PLCXD2: variants seen among roughly 807,000 people sequenced by gnomAD.
PLCXD2 encodes the protein phosphatidylinositol specific phospholipase C X domain containing 2.
In PLCXD2, 21 loss-of-function variants were observed where a neutral mutation model predicts 28.6. The observed-to-expected ratio is 0.73, with a 90% CI of 0.52 to 1.06. The LOEUF (loss-of-function observed/expected upper bound fraction) is 1.06, where lower values mean the gene tolerates loss of function less well. Among genes scored for constraint, PLCXD2 ranks in the 50% least tolerant of loss-of-function variants. The pLI, the probability that PLCXD2 is intolerant of heterozygous loss-of-function variation, is 0.00. For missense variants in PLCXD2, 369 were observed against 376.7 expected, an observed-to-expected ratio of 0.98 and a Z score of 0.17; for synonymous variants, 140 against 150.1, an observed-to-expected ratio of 0.93 and a Z score of 0.49.
intron 1 of PLCXD2, among the ~76,000 whole-genome samples, chr3:111,684,837 A>G (rs947574854): frequency 3.3e-5 from 5 of 152,118 alleles, no homozygotes; most frequent in African/African-American, 9.7e-5. Context: ...AGGTCATCCA[A>G]GTGGGAGGCG....
chr3:111,712,035 A>G (rs1039007970), intron 2 of PLCXD2, among the ~76,000 whole-genome samples: 1 of 152,054 alleles, frequency 6.6e-6, no homozygotes, highest in South Asian at 2.1e-4. Flanking sequence ...AACACAGCAG[A>G]CAGAGGTTGG....
intron 3 of PLCXD2, chr3:111,723,687 T>C (rs982448634): frequency 2.0e-5 from 3 of 152,200 alleles, no homozygotes. Flanking sequence ...TTGTAAAGGA[T>C]GTGTGCCTTC....
rs746307203 is a variant in PLCXD2 at position 111,708,128 on chromosome 3, G to A, written c.366G>A (p.Gly122=). The change falls in exon 2 of 5, where the codon GGG becomes GGA. Residue 122 remains glycine, a synonymous_variant. Coordinates refer to ENST00000477665, the MANE Select transcript of PLCXD2 (RefSeq NM_001185106.1). ...ACCTGCGTGTGTCTTCCAAACCAGG[G>A]GATGCCGACCAGGAGATCTACTTCA... The A allele has an allele frequency of 4.3e-6, 7 of 1,614,148 alleles. No homozygotes were observed. The highest frequency in any genetic ancestry group is 5.9e-6 in the Non-Finnish European group (7 of 1,180,030).
chr3:111,689,136 T>C (rs1296501184), intron 1 of PLCXD2, among the ~76,000 whole-genome samples: 1 of 152,164 alleles, frequency 6.6e-6, no homozygotes, highest in Non-Finnish European at 1.5e-5. Context: ...AGTTGGTGGG[T>C]AAGGAACTGC....
intron 3 of PLCXD2, among the ~76,000 whole-genome samples, chr3:111,716,764 G>A (rs1187868344): frequency 1.3e-5 from 2 of 152,174 alleles, no homozygotes; most frequent in Non-Finnish European, 2.9e-5. Context: ...CCAACTCTCA[G>A]TTACCTCAGA....
chr3:111,714,018 T>A lies in PLCXD2; in HGVS notation c.756T>A (p.Ser252Arg). 1 of 1,614,124 alleles carries A rather than the reference T, an allele frequency of 6.2e-7. No homozygotes were observed. Among genetic ancestry groups the A allele is most frequent in the Non-Finnish European group, 8.5e-7 (1 of 1,180,018 alleles). The change falls in exon 3 of 5, where the codon AGT becomes AGA. Residue 252 changes from serine (S) to arginine (R), a missense_variant. Ser to Arg is a moderately radical substitution (Grantham distance 110). Transcript: ENST00000477665. ...TCCTCTTCTTGGAGACCACTCTGAGTGAGCGGGCCTCACGGGGCTCCTTCC... is the reference window on the plus strand; with the variant it reads ...TCCTCTTCTTGGAGACCACTCTGAGAGAGCGGGCCTCACGGGGCTCCTTCC...
At chr3:111,716,177 A>G (rs1403690861) in intron 3 of PLCXD2, among the ~76,000 whole-genome samples, 3 of 152,186 alleles carry the variant, frequency 2.0e-5, no homozygotes, top group Non-Finnish European at 2.9e-5. Context: ...AGTCCTGCAC[A>G]TCAACTGAAG....
chr3:111,708,994 G>GGAAGAGGAAT (rs138307886), intron 2 of PLCXD2, among the ~76,000 whole-genome samples: 5,650 of 151,458 alleles, frequency 0.037, 345 homozygotes, highest in African/African-American at 0.13. Flanking sequence ...GACACGCTCA[G>GGAAGAGGAAT]GAAGAGGAAT....
chr3:111,708,917 G>A (rs1338620177), intron 2 of PLCXD2, among the ~76,000 whole-genome samples: 1 of 152,148 alleles, frequency 6.6e-6, no homozygotes, highest in Non-Finnish European at 1.5e-5. Flanking sequence ...TGAAGGGGCT[G>A]CAGCCTGTAA....
At chr3:111,685,485 A>G (rs538950796) in intron 1 of PLCXD2, among the ~76,000 whole-genome samples, 44 of 152,328 alleles carry the variant, frequency 2.9e-4, no homozygotes, top group Non-Finnish European at 4.7e-4. Context: ...AATTTATTTC[A>G]TACATGGACA....
At chr3:111,685,282 A>G (rs1176433142) in intron 1 of PLCXD2, among the ~76,000 whole-genome samples, 1 of 152,210 alleles carries the variant, frequency 6.6e-6, no homozygotes, top group African/African-American at 2.4e-5. Flanking sequence ...TACTTCTTTT[A>G]GAAAATTTGT....
intron 1 of PLCXD2, among the ~76,000 whole-genome samples, chr3:111,677,753 A>T (rs1576451294): frequency 1.3e-5 from 2 of 152,188 alleles, no homozygotes; most frequent in East Asian, 3.8e-4. Flanking sequence ...GTAATCTTTA[A>T]CTGAAAGCCA....
At chr3:111,716,369 G>A (rs1039869397) in intron 3 of PLCXD2, among the ~76,000 whole-genome samples, 4 of 152,144 alleles carry the variant, frequency 2.6e-5, no homozygotes, top group Non-Finnish European at 5.9e-5. Context: ...AAAAGACAGG[G>A]TATATTTTCT....
At chr3:111,701,576 G>A (rs1450336164) in intron 1 of PLCXD2, among the ~76,000 whole-genome samples, 1 of 152,136 alleles carries the variant, frequency 6.6e-6, no homozygotes, top group Admixed American at 6.5e-5. Context: ...GGAAGTGGGA[G>A]GAATGTGTCA....
intron 3 of PLCXD2, among the ~76,000 whole-genome samples, chr3:111,719,315 G>T (rs931282704): frequency 6.6e-6 from 1 of 152,098 alleles, no homozygotes; most frequent in Non-Finnish European, 1.5e-5. Context: ...CAAGCTATAG[G>T]CTAGGAGAAA....
At chr3:111,707,829 G>T (rs568665270) in intron 1 of PLCXD2, 97 bp from the exon 2 acceptor site, 521 of 1,131,578 alleles carry the variant, frequency 4.6e-4, no homozygotes, top group Non-Finnish European at 6.2e-4. Flanking sequence ...ATGTTATTTG[G>T]TGCTTAATTT....
At chr3:111,675,819 A>G (rs1484829369) in intron 1 of PLCXD2, among the ~76,000 whole-genome samples, 1 of 152,218 alleles carries the variant, frequency 6.6e-6, no homozygotes, top group Non-Finnish European at 1.5e-5. Flanking sequence ...AAAATATTTT[A>G]TTTCTCATTT....
At chr3:111,716,229 G>T (rs1016340526) in intron 3 of PLCXD2, among the ~76,000 whole-genome samples, 1 of 152,214 alleles carries the variant, frequency 6.6e-6, no homozygotes, top group Admixed American at 6.5e-5. Context: ...CAAAAGGCCA[G>T]TGCAGAGTGT....
intron 3 of PLCXD2, among the ~76,000 whole-genome samples, chr3:111,716,291 GC>G: frequency 6.6e-6 from 1 of 152,168 alleles, no homozygotes. Context: ...TCCCCTGTGT[GC>G]CAACACCCAG....
Sources: allele counts gnomAD v4.1 joint callset (sites outside exome capture counted in the v4.1 genomes callset), GRCh38; gene constraint gnomAD v4.1.1; transcripts MANE v1.5; gene names NCBI Gene and HGNC (gene_info 2026-07-23, HGNC 2026-07-21).